PARD3B: variants seen among roughly 807,000 people sequenced by gnomAD.
PARD3B encodes the protein partitioning defective 3 homolog B.
PARD3B carries 103 observed loss-of-function variants against 130.2 expected under a neutral mutation model. The observed-to-expected ratio is 0.79, with a 90% CI of 0.67 to 0.93. PARD3B has a LOEUF of 0.93. Among genes scored for constraint, PARD3B ranks in the 40% least tolerant of loss-of-function variants. The probability of loss-of-function intolerance (pLI) is 0.00; values close to 1 mark genes in which losing one functional copy is unlikely to be tolerated. For missense variants in PARD3B, 1,609 were observed against 1,499.2 expected (o/e 1.07, Z -1.21); for synonymous variants, 583 against 553.2 (o/e 1.05, Z -0.76).
rs540051890 is a variant in PARD3B, at chr2:205,397,823, G to A, written c.2631-3190G>A. Among the ~76,000 whole-genome samples, 22 of 152,202 alleles carry A rather than the reference G, an allele frequency of 1.4e-4. No homozygotes were observed. Among genetic ancestry groups the A allele is most frequent in the South Asian group, 1.2e-3 (6 of 4,822 alleles). ...GCAAAAGTTATGTATCTCAAGTGAT[G>A]TACTGAGCTATTAACTTCTCACGTA... On this transcript the variant is annotated intron_variant, in intron 18 of 22. Coordinates refer to ENST00000406610, the MANE Select transcript of PARD3B (RefSeq NM_001302769.2). This position sits in a 1 kb window ranked among gnomAD's most constrained non-coding sequence, Gnocchi z 4.8.
At chr2:205,403,138 T>G (rs2046309622) in intron 19 of PARD3B, among the ~76,000 whole-genome samples, 1 of 152,238 alleles carries the variant, frequency 6.6e-6, no homozygotes, top group Non-Finnish European at 1.5e-5. Flanking sequence ...TAAAACCTAT[T>G]ATACTTTTCT....
chr2:204,651,804 G>A (rs115321538), intron 1 of PARD3B, among the ~76,000 whole-genome samples: 11,342 of 152,242 alleles, frequency 0.074, 576 homozygotes, highest in Non-Finnish European at 0.12. Flanking sequence ...TGAAATCTAG[G>A]CAGAGGCTCC....
intron 19 of PARD3B, among the ~76,000 whole-genome samples, chr2:205,414,000 T>C (rs2046688652): frequency 6.6e-6 from 1 of 152,202 alleles, no homozygotes; most frequent in Admixed American, 6.5e-5. Context: ...CTTATTCTTG[T>C]CAAATGAGGA....
chr2:204,781,756 T>A (rs986369640), intron 2 of PARD3B, among the ~76,000 whole-genome samples: 1 of 152,160 alleles, frequency 6.6e-6, no homozygotes. Context: ...CCAGTAGGTA[T>A]GCATAATGGA....
chr2:205,602,007 T>G (rs1268363860), intron 22 of PARD3B, among the ~76,000 whole-genome samples: 1 of 152,196 alleles, frequency 6.6e-6, no homozygotes, highest in African/African-American at 2.4e-5. Context: ...ATATTGGCTG[T>G]GGGTTTGTGA....
intron 11 of PARD3B, among the ~76,000 whole-genome samples, chr2:205,159,561 T>A (rs1482663000): frequency 6.6e-6 from 1 of 152,150 alleles, no homozygotes; most frequent in African/African-American, 2.4e-5. Context: ...TAGGCAAGGG[T>A]CTTGACCAGC....
chr2:205,082,165 C>T lies in PARD3B; in HGVS notation c.505-22261C>T, dbSNP rs182495378. 7.2e-5 allele frequency among the ~76,000 whole-genome samples: 11 copies of T among 152,026 alleles called. 1 individual carries two copies. The East Asian group carries it at 2.1e-3, about 29-fold the overall frequency. On this transcript the variant is annotated intron_variant, in intron 4 of 22. Coordinates refer to ENST00000406610, the MANE Select transcript of PARD3B (RefSeq NM_001302769.2). ...ATATATTGGCATAAATAATAGAATTCCTTTGTTTTTCTATTATTGTCTGTG... is the reference window on the plus strand; with the variant it reads ...ATATATTGGCATAAATAATAGAATTTCTTTGTTTTTCTATTATTGTCTGTG...
chr2:205,428,148 C>T (rs1009033179), intron 19 of PARD3B, among the ~76,000 whole-genome samples: 1 of 151,942 alleles, frequency 6.6e-6, no homozygotes, highest in African/African-American at 2.4e-5. Flanking sequence ...TTTGGGAGGC[C>T]AAGGCAGGTT....
At chr2:205,607,636 G>A (rs181656104) in intron 22 of PARD3B, among the ~76,000 whole-genome samples, 2 of 152,172 alleles carry the variant, frequency 1.3e-5, no homozygotes, top group Non-Finnish European at 2.9e-5. Flanking sequence ...ATGCTGCTGT[G>A]CTCAGCAGGC....
intron 21 of PARD3B, among the ~76,000 whole-genome samples, chr2:205,543,187 A>G (rs2052237010): frequency 6.6e-6 from 1 of 152,210 alleles, no homozygotes; most frequent in Admixed American, 6.5e-5. Context: ...GAAGCTTACA[A>G]TCTGAGATCT....
In PARD3B at chr2:205,085,393, G is replaced by A. The variant is rs926815139; in HGVS notation, c.505-19033G>A. Among the ~76,000 whole-genome samples, 9 of 151,590 alleles carry A rather than the reference G, an allele frequency of 5.9e-5. No homozygotes were observed. The East Asian group carries it at 1.5e-3, about 26-fold the overall frequency. ...TATTTTTTTTAGTTTGAGAATCTCC[G>A]TGTTTCATTATTTCATTTTAAAACA... On this transcript the variant is annotated intron_variant, in intron 4 of 22. Transcript: ENST00000406610.
chr2:204,777,931 T>C (rs74575322), intron 2 of PARD3B, among the ~76,000 whole-genome samples: 1,762 of 152,218 alleles, frequency 0.012, 38 homozygotes, highest in African/African-American at 0.041. Flanking sequence ...TGAGCTCTGA[T>C]GGTTTTATAA....
At chr2:204,622,967 G>A (rs555333513) in intron 1 of PARD3B, among the ~76,000 whole-genome samples, 3 of 151,928 alleles carry the variant, frequency 2.0e-5, no homozygotes, top group Non-Finnish European at 4.4e-5. Context: ...TGTTTGATAC[G>A]TTCCCATTAT....
At chr2:205,202,666 C>G (rs910294763) in intron 15 of PARD3B, among the ~76,000 whole-genome samples, 2 of 152,240 alleles carry the variant, frequency 1.3e-5, no homozygotes, top group African/African-American at 4.8e-5. Context: ...TCAAATGCCC[C>G]CATCTGAAAC....
intron 19 of PARD3B, among the ~76,000 whole-genome samples, chr2:205,415,838 A>G (rs959216961): frequency 6.6e-6 from 1 of 152,176 alleles, no homozygotes; most frequent in African/African-American, 2.4e-5. Flanking sequence ...GGAGAAACAC[A>G]TTTTACTAAA....
chr2:205,270,584 A>G (rs1478352036), intron 16 of PARD3B, among the ~76,000 whole-genome samples: 2 of 150,548 alleles, frequency 1.3e-5, no homozygotes, highest in East Asian at 1.9e-4. Context: ...AAACAAAAAG[A>G]AAGAAAGAAA....
chr2:205,215,847 C>A (rs1921780), intron 15 of PARD3B, among the ~76,000 whole-genome samples: 76,408 of 151,254 alleles, frequency 0.51, 19,559 homozygotes, highest in Admixed American at 0.64. Context: ...GTTAATTTTC[C>A]AGCAATAAGA....
At chr2:205,026,902 C>A (rs1697075308) in intron 3 of PARD3B, among the ~76,000 whole-genome samples, 1 of 151,984 alleles carries the variant, frequency 6.6e-6, no homozygotes, top group South Asian at 2.1e-4. Flanking sequence ...TTAGACACAC[C>A]ACATTTTCTT....
chr2:205,044,344 T>C (rs1278112038), intron 3 of PARD3B, among the ~76,000 whole-genome samples: 1 of 148,288 alleles, frequency 6.7e-6, no homozygotes, highest in Non-Finnish European at 1.5e-5. Context: ...CTGGGTCAAA[T>C]GGTATTTCTA....
Sources: gnomAD v4.1 joint callset for allele counts (sites outside exome capture counted in the v4.1 genomes callset) on GRCh38, gnomAD v4.1.1 for gene constraint, Gnocchi (gnomAD v3.1) non-coding constraint, MANE v1.5 for transcripts, NCBI Gene and HGNC (gene_info 2026-07-23, HGNC 2026-07-21) for gene names.